Variants in AGPAT3 observed in about 807,000 individuals in gnomAD.
AGPAT3 encodes 1-acyl-sn-glycerol-3-phosphate acyltransferase gamma.
AGPAT3 carries 5 observed loss-of-function variants against 47.3 expected under a neutral mutation model. The ratio of observed to expected loss-of-function variants is 0.11; its 90% CI spans 0.06 to 0.22. The LOEUF is 0.22. Ranked by LOEUF, AGPAT3 falls within the 10% of genes least tolerant of loss-of-function variation. The pLI is 1.00. For missense variants in AGPAT3, 315 were observed against 493.0 expected, an observed-to-expected ratio of 0.64 and a Z score of 3.42; for synonymous variants, 212 against 208.3, an observed-to-expected ratio of 1.02 and a Z score of -0.15.
At chr21:43,956,347 A>C (rs1203508909) in intron 2 of AGPAT3, among the ~76,000 whole-genome samples, 6 of 152,220 alleles carry the variant, frequency 3.9e-5, no homozygotes, top group African/African-American at 1.4e-4. Flanking sequence ...CACTGGCTCT[A>C]CTGCTGACTC....
At chr21:43,969,304 C>T (rs894132471) in intron 5 of AGPAT3, 25 bp downstream of exon 5, 1 of 1,611,632 alleles carries the variant, frequency 6.2e-7, no homozygotes, top group Non-Finnish European at 8.5e-7. Flanking sequence ...CAGCCCGATA[C>T]CCTGCATGCC....
intron 4 of AGPAT3, 87 bp downstream of exon 4, chr21:43,968,202 G>T: frequency 1.5e-6 from 2 of 1,312,200 alleles, no homozygotes; most frequent in Admixed American, 1.9e-5. Context: ...GAGGGCCGGG[G>T]TGAGCAGGGG....
rs1193464752 is a variant in AGPAT3, at chr21:43,982,097, C to T, written c.1043-207C>T. Among the ~76,000 whole-genome samples, 2 of 152,320 alleles carry T rather than the reference C, an allele frequency of 1.3e-5. No individual in the cohort carries two copies. The highest frequency in any genetic ancestry group is 1.5e-5 in the Non-Finnish European group (1 of 68,032). On this transcript the variant is annotated intron_variant, in intron 9 of 9. Coordinates refer to ENST00000291572, the MANE Select transcript of AGPAT3 (RefSeq NM_020132.5). This position sits in a 1 kb window ranked among gnomAD's most constrained non-coding sequence, Gnocchi z 6.2. ...GCCTCGGACCCAGCCGGTCAGAAGA[C>T]GTGCCCCTCACCCCTGCCTGAGCAG...
chr21:43,915,268 T>C (rs948340170), intron 2 of AGPAT3, among the ~76,000 whole-genome samples: 2 of 151,566 alleles, frequency 1.3e-5, no homozygotes, highest in Non-Finnish European at 2.9e-5. Context: ...GCCAGGCTGG[T>C]CTCAAACTCC....
rs369686584 is a variant in AGPAT3, at chr21:43,952,122, G to A, written c.-48-7512G>A. ...CAGAACTACGGACCTGGGATGAGGC[G>A]GCCTGTGAGTGCGATTGGGCTGTGT... On this transcript the variant is annotated intron_variant, in intron 2 of 9. Coordinates refer to ENST00000291572, the MANE Select transcript of AGPAT3 (RefSeq NM_020132.5). This position sits in a 1 kb window ranked among gnomAD's most constrained non-coding sequence, Gnocchi z 5.6. Among the ~76,000 whole-genome samples the A allele has an allele frequency of 1.1e-4, 17 of 152,200 alleles. No individual in the cohort carries two copies. The highest frequency in any genetic ancestry group is 4.1e-4 in the African/African-American group (17 of 41,538).
chr21:43,924,141 G>A (rs1020674269), intron 2 of AGPAT3, among the ~76,000 whole-genome samples: 1 of 151,864 alleles, frequency 6.6e-6, no homozygotes, highest in Non-Finnish European at 1.5e-5. Flanking sequence ...AGCCTCCCGA[G>A]TAGCTGGGAC....
At chr21:43,896,213 G>C (rs940345935) in intron 1 of AGPAT3, among the ~76,000 whole-genome samples, 17 of 152,252 alleles carry the variant, frequency 1.1e-4, no homozygotes, top group Admixed American at 8.5e-4. Context: ...CGTGATAACT[G>C]TTTTTAACTT....
intron 3 of AGPAT3, chr21:43,960,868 T>C (rs546172931): frequency 1.1e-4 from 74 of 700,862 alleles, no homozygotes; most frequent in Non-Finnish European, 1.2e-4. Context: ...GGGCTGGGCA[T>C]GGTGGCTCAT....
rs1364089377 is a variant in AGPAT3 at position 43,957,230 on chromosome 21, C to T, written c.-48-2404C>T. Among the ~76,000 whole-genome samples the T allele has an allele frequency of 6.9e-5, 6 of 86,758 alleles. No individual in the cohort carries two copies. The East Asian group carries it at 1.3e-3, about 18-fold the overall frequency. The allele number at this position is 86,758 out of a possible 152,430, so 56.9% of individuals were successfully genotyped here. A position where few individuals can be genotyped will look rare whatever the true frequency, so the allele number is the denominator to read the frequency against. On this transcript the variant is annotated intron_variant, in intron 2 of 9. Coordinates refer to ENST00000291572, the MANE Select transcript of AGPAT3 (RefSeq NM_020132.5). ...CTGTATGGAGGGCGCTCTGTGGAGT[C>T]GGGACAGGGGGTTTCATGGGCGGGT...
At chr21:43,963,076 G>A (rs192889533) in intron 3 of AGPAT3, among the ~76,000 whole-genome samples, 7 of 152,338 alleles carry the variant, frequency 4.6e-5, no homozygotes, top group Admixed American at 1.3e-4. Context: ...AAGCAAAACC[G>A]TATGGATGGA....
At chr21:43,906,846 G>A (rs746823701) in intron 2 of AGPAT3, among the ~76,000 whole-genome samples, 3 of 152,144 alleles carry the variant, frequency 2.0e-5, no homozygotes, top group Non-Finnish European at 2.9e-5. Context: ...CCGCCTGGGC[G>A]AGCCGACACA....
chr21:43,963,039 C>T (rs781487388), intron 3 of AGPAT3, among the ~76,000 whole-genome samples: 3 of 152,158 alleles, frequency 2.0e-5, no homozygotes, highest in Non-Finnish European at 2.9e-5. Flanking sequence ...AGTAGAACTG[C>T]TCTCAGTGAA....
intron 2 of AGPAT3, among the ~76,000 whole-genome samples, chr21:43,917,585 G>C (rs1415026639): frequency 6.6e-6 from 1 of 152,174 alleles, no homozygotes; most frequent in African/African-American, 2.4e-5. Flanking sequence ...TTATTCCAAA[G>C]CTAGCTTAGG....
intron 2 of AGPAT3, among the ~76,000 whole-genome samples, chr21:43,946,193 T>TA (rs111500236): frequency 0.011 from 1,601 of 152,342 alleles, 34 homozygotes; most frequent in Middle Eastern, 0.068. Flanking sequence ...GTCGAGAACT[T>TA]ACGGTTTGTC....
chr21:43,942,087 G>A (rs1010075118), intron 2 of AGPAT3, among the ~76,000 whole-genome samples: 2 of 152,236 alleles, frequency 1.3e-5, no homozygotes, highest in Admixed American at 6.5e-5. Flanking sequence ...GGAATTCGAG[G>A]CCTCAAGTGG....
chr21:43,936,477 G>A (rs752500979), intron 2 of AGPAT3, among the ~76,000 whole-genome samples: 2 of 152,262 alleles, frequency 1.3e-5, no homozygotes, highest in African/African-American at 2.4e-5. Flanking sequence ...TGGCCTGGGA[G>A]TCAAAGCTGC....
chr21:43,940,938 C>G (rs1405243172), intron 2 of AGPAT3, among the ~76,000 whole-genome samples: 10 of 152,198 alleles, frequency 6.6e-5, no homozygotes, highest in Admixed American at 6.5e-4. Context: ...TGTCTCCGGG[C>G]TGGGATTAGA....
chr21:43,911,391 C>T (rs1303634008), intron 2 of AGPAT3, among the ~76,000 whole-genome samples: 4 of 152,254 alleles, frequency 2.6e-5, no homozygotes, highest in Non-Finnish European at 5.9e-5. Flanking sequence ...CCTAGAGCTG[C>T]GCTCTTATAT....
chr21:43,890,728 CATTT>C (rs779054640), intron 1 of AGPAT3, among the ~76,000 whole-genome samples: 1 of 86,040 alleles, frequency 1.2e-5, no homozygotes, highest in Admixed American at 1.2e-4. Flanking sequence ...TTTTTTTTTT[CATTT>C]ATTTATTTAT....
Sources: gnomAD v4.1 joint callset for allele counts (sites outside exome capture counted in the v4.1 genomes callset) on GRCh38, gnomAD v4.1.1 for gene constraint, Gnocchi (gnomAD v3.1) non-coding constraint, MANE v1.5 for transcripts, NCBI Gene and HGNC (gene_info 2026-07-23, HGNC 2026-07-21) for gene names.